PUDP: variants seen among roughly 807,000 people sequenced by gnomAD.
The protein encoded by PUDP is pseudouridine-5'-phosphatase.
In PUDP, 8 loss-of-function variants were observed where a neutral mutation model predicts 9.4. That is an observed-to-expected ratio of 0.85 (90% confidence interval 0.50 to 1.53). The LOEUF (loss-of-function observed/expected upper bound fraction) is 1.53. Ranked by LOEUF, PUDP falls within the 40% of genes most tolerant of loss-of-function variation. PUDP has a pLI of 0.00. For synonymous variants in PUDP, 99 were observed against 80.7 expected, an observed-to-expected ratio of 1.23 and a Z score of -1.22; for missense variants, 188 against 189.7, an observed-to-expected ratio of 0.99 and a Z score of 0.05.
At chrX:6,762,512 T>G (rs758465714) in intron 3 of PUDP, among the ~76,000 whole-genome samples, 307 of 112,048 alleles carry the variant, frequency 2.7e-3, no homozygotes, top group Non-Finnish European at 4.8e-3. Flanking sequence ...CAAAGATTGT[T>G]CCAGGGAGTG....
chrX:6,998,408 G>A (rs1339410541), intron 1 of PUDP, among the ~76,000 whole-genome samples: 1 of 111,372 alleles, frequency 9.0e-6, no homozygotes, highest in Non-Finnish European at 1.9e-5. Flanking sequence ...TACTACTCTT[G>A]TTCAAATATA....
intron 3 of PUDP, among the ~76,000 whole-genome samples, chrX:6,864,836 GTCCACCCAGATAA>G: frequency 9.0e-6 from 1 of 111,503 alleles, no homozygotes; most frequent in Non-Finnish European, 1.9e-5. Context: ...ATTCCACTGA[GTCCACCCAGATAA>G]TCCAGTTAAT....
chrX:6,941,341 CT>C (rs761887998), intron 3 of PUDP, among the ~76,000 whole-genome samples: 398 of 78,585 alleles, frequency 5.1e-3, no homozygotes, highest in African/African-American at 0.011. Context: ...TCTTTTCTGT[CT>C]TTTTTTTTTT....
At chrX:6,801,634 G>A (rs2146694780) in intron 3 of PUDP, among the ~76,000 whole-genome samples, 1 of 112,177 alleles carries the variant, frequency 8.9e-6, no homozygotes, top group South Asian at 3.7e-4. Flanking sequence ...TTCTTTTTAA[G>A]GTCTAGCTTG....
intron 3 of PUDP, among the ~76,000 whole-genome samples, chrX:6,779,789 G>A (rs1925527271): frequency 9.0e-6 from 1 of 110,912 alleles, no homozygotes; most frequent in African/African-American, 3.3e-5. Context: ...AATTAGCTGG[G>A]TGTGGTGGCA....
At chrX:6,912,920 A>G (rs1362294754) in intron 3 of PUDP, among the ~76,000 whole-genome samples, 2 of 112,121 alleles carry the variant, frequency 1.8e-5, no homozygotes, top group Non-Finnish European at 3.8e-5. Context: ...ACACCTTACA[A>G]AATATGTTTC....
chrX:6,850,773 C>T (rs980078172), intron 3 of PUDP, among the ~76,000 whole-genome samples: 32 of 112,214 alleles, frequency 2.9e-4, no homozygotes, highest in African/African-American at 1.0e-3. Flanking sequence ...CAAATACACA[C>T]ATTTAAATGA....
chrX:7,082,230 G>A (rs1045036595), intron 2 of PUDP, among the ~76,000 whole-genome samples: 2 of 112,190 alleles, frequency 1.8e-5, no homozygotes, highest in East Asian at 2.8e-4. Flanking sequence ...TCAGCACTGT[G>A]AGTGGGAAGA....
At chrX:7,138,916 G>T (rs187208156) in intron 1 of PUDP, among the ~76,000 whole-genome samples, 3 of 84,326 alleles carry the variant, frequency 3.6e-5, no homozygotes, top group African/African-American at 1.4e-4. Flanking sequence ...TTTTAATACA[G>T]TCTTTGCTTG....
At chrX:6,751,457 T>G (rs1364433572) in intron 3 of PUDP, among the ~76,000 whole-genome samples, 2 of 111,811 alleles carry the variant, frequency 1.8e-5, no homozygotes, top group South Asian at 3.8e-4. Context: ...GCCTCTTCCA[T>G]TTCTATGTTC....
chrX:6,974,478 T>A (rs2146795670), intron 3 of PUDP, among the ~76,000 whole-genome samples: 1 of 112,278 alleles, frequency 8.9e-6, no homozygotes, highest in South Asian at 3.7e-4. Flanking sequence ...GAAGCATAGT[T>A]TGACTGGATA....
intron 3 of PUDP, among the ~76,000 whole-genome samples, chrX:6,738,421 G>T (rs5948723): frequency 0.28 from 30,693 of 110,467 alleles, 3,947 homozygotes; most frequent in African/African-American, 0.48. Flanking sequence ...AGAACCACCT[G>T]GGGAGGCTTA....
At chrX:6,892,257 A>G (rs1161597763) in intron 3 of PUDP, among the ~76,000 whole-genome samples, 1 of 111,905 alleles carries the variant, frequency 8.9e-6, no homozygotes, top group Non-Finnish European at 1.9e-5. Context: ...TGATAACCCT[A>G]CTGCTATGGA....
chrX:6,962,664 T>G (rs1420137474), intron 3 of PUDP, among the ~76,000 whole-genome samples: 2 of 112,567 alleles, frequency 1.8e-5, no homozygotes, highest in Admixed American at 9.4e-5. Context: ...TACTTTTTGT[T>G]TTTTGAGTTC....
At chrX:7,055,133 A>G (rs1031313645) in intron 3 of PUDP, among the ~76,000 whole-genome samples, 1 of 111,906 alleles carries the variant, frequency 8.9e-6, no homozygotes, top group Non-Finnish European at 1.9e-5. Context: ...AGCATCTGGA[A>G]GTTTGGGTTT....
intron 3 of PUDP, among the ~76,000 whole-genome samples, chrX:6,786,444 A>G (rs1463743624): frequency 8.9e-6 from 1 of 112,179 alleles, no homozygotes; most frequent in Non-Finnish European, 1.9e-5. Context: ...AAATAAAACA[A>G]GAAGAAAAGA....
At chrX:6,989,624 T>C (rs951054743) in intron 1 of PUDP, 6 of 113,584 alleles carry the variant, frequency 5.3e-5, no homozygotes, top group Admixed American at 4.7e-4. Context: ...AAGCTGGCTG[T>C]CCTGAAAAAC....
At chrX:7,127,376 C>G (rs1357111147) in intron 1 of PUDP, among the ~76,000 whole-genome samples, 1 of 112,221 alleles carries the variant, frequency 8.9e-6, no homozygotes, top group Non-Finnish European at 1.9e-5. Flanking sequence ...TACTGTCAGT[C>G]AAACTACATG....
intron 3 of PUDP, among the ~76,000 whole-genome samples, chrX:6,794,571 AT>A (rs758259698): frequency 2.3e-3 from 228 of 99,579 alleles, no homozygotes; most frequent in Non-Finnish European, 2.8e-3. Flanking sequence ...TCTTTCTTTA[AT>A]TTTTTTTTTT....
Sources: allele counts gnomAD v4.1 joint callset (sites outside exome capture counted in the v4.1 genomes callset), GRCh38; gene constraint gnomAD v4.1.1; transcripts MANE v1.5; gene names NCBI Gene and HGNC (gene_info 2026-07-23, HGNC 2026-07-21).